TCF4: variants seen among roughly 807,000 people sequenced by gnomAD.
The protein encoded by TCF4 is SL3-3 enhancer factor 2.
A neutral mutation model predicts 82.1 loss-of-function variants in TCF4; 3 were observed. The ratio of observed to expected loss-of-function variants is 0.04; its 90% CI spans 0.02 to 0.09. The LOEUF (loss-of-function observed/expected upper bound fraction) is 0.09. TCF4 is among the 10% of genes least tolerant of loss of function. The pLI, the probability that TCF4 is intolerant of heterozygous loss-of-function variation, is 1.00. For synonymous variants in TCF4, 276 were observed against 309.6 expected, an observed-to-expected ratio of 0.89 and a Z score of 1.14; for missense variants, 518 against 852.7, an observed-to-expected ratio of 0.61 and a Z score of 4.89.
chr18:55,589,751 G>C, upstream of TCF4: 3 of 1,018,096 alleles, frequency 2.9e-6, no homozygotes, highest in Non-Finnish European at 3.5e-6. Flanking sequence ...GATAATAATA[G>C]GTTTCCCTGA....
At chr18:55,544,046 G>A (rs548084751) in intron 3 of TCF4, among the ~76,000 whole-genome samples, 1 of 152,142 alleles carries the variant, frequency 6.6e-6, no homozygotes, top group South Asian at 2.1e-4. Context: ...TATATATTCA[G>A]CATCCCAAGT....
intron 11 of TCF4, chr18:55,268,623 T>C (rs2059697338): frequency 4.6e-5 from 7 of 152,092 alleles, no homozygotes; most frequent in Non-Finnish European, 1.5e-5. Flanking sequence ...TATTATTGAA[T>C]ACGCAGGGAG....
intron 6 of TCF4, among the ~76,000 whole-genome samples, chr18:55,368,569 C>T (rs1048301369): frequency 6.6e-6 from 1 of 152,060 alleles, no homozygotes; most frequent in African/African-American, 2.4e-5. Context: ...TTGTGTTGGG[C>T]CGCATGTGTC....
chr18:55,373,072 G>C (rs1190532299), intron 6 of TCF4, among the ~76,000 whole-genome samples: 1 of 151,946 alleles, frequency 6.6e-6, no homozygotes, highest in Non-Finnish European at 1.5e-5. Context: ...ATGTTTATTT[G>C]GATATTATAT....
At position 55,618,589 on chromosome 18, in the gene TCF4, T is replaced by G. The variant is rs55848513; in HGVS notation, c.286+12709A>C. On this transcript the variant is annotated intron_variant, in intron 2 of 20. Transcript: ENST00000398339. ...ATTTTTCTTTTCTCTTTTTTTTTTGTTTGTTTTTTTGAGACAGGTTCTCCC... is the reference window on the plus strand; with the variant it reads ...ATTTTTCTTTTCTCTTTTTTTTTTGGTTGTTTTTTTGAGACAGGTTCTCCC... Among the ~76,000 whole-genome samples, 75 of 151,982 alleles carry G rather than the reference T, an allele frequency of 4.9e-4. 1 individual carries two copies. Among genetic ancestry groups the G allele is most frequent in the African/African-American group, 1.7e-3 (71 of 41,466 alleles).
At chr18:55,354,218 AT>A (rs1443330876) in intron 6 of TCF4, among the ~76,000 whole-genome samples, 1 of 152,196 alleles carries the variant, frequency 6.6e-6, no homozygotes, top group Non-Finnish European at 1.5e-5. Context: ...CCAGGTTGGA[AT>A]GTTTTGGGGT....
At chr18:55,452,346 G>A (rs1044124924) in intron 5 of TCF4, among the ~76,000 whole-genome samples, 1 of 152,160 alleles carries the variant, frequency 6.6e-6, no homozygotes, top group Admixed American at 6.5e-5. Flanking sequence ...GAAAATAGAG[G>A]GTTTTCTCCC....
At chr18:55,632,330 G>A (rs995138727) in intron 1 of TCF4, among the ~76,000 whole-genome samples, 2 of 152,138 alleles carry the variant, frequency 1.3e-5, no homozygotes, top group Admixed American at 1.3e-4. Context: ...GAACCACCGC[G>A]CCCGGCCAAC....
At chr18:55,378,696 T>C (rs1005930645) in intron 6 of TCF4, among the ~76,000 whole-genome samples, 1 of 152,208 alleles carries the variant, frequency 6.6e-6, no homozygotes, top group Non-Finnish European at 1.5e-5. Flanking sequence ...TTATGGATTA[T>C]CTAACATAAA....
rs537584628 is a variant in TCF4 at position 55,229,259 on chromosome 18, C to G, written c.1650-183G>C. 14 of 672,730 alleles carry G rather than the reference C, an allele frequency of 2.1e-5. 1 individual carries two copies. In the East Asian group the frequency reaches 3.8e-4, roughly 18 times the overall value. 41.7% of individuals were successfully genotyped at this position (672,730 alleles called of 1,614,324 possible). A position where few individuals can be genotyped will look rare whatever the true frequency, so the allele number is the denominator to read the frequency against. ...GATGGCTTTGACAGTTCACAATACA[C>G]AAGATATTTGGTTTTCTCGCAGACA... On this transcript the variant is annotated intron_variant, in intron 17 of 19. Transcript: ENST00000354452.
At chr18:55,333,247 G>C (rs1160428334) in intron 8 of TCF4, among the ~76,000 whole-genome samples, 1 of 151,994 alleles carries the variant, frequency 6.6e-6, no homozygotes, top group Non-Finnish European at 1.5e-5. Flanking sequence ...TCAGATACTT[G>C]TAAGGAAATT....
At chr18:55,403,607 C>T (rs776615826) in intron 5 of TCF4, 89 bp from the exon 6 acceptor site, 86 of 1,612,370 alleles carry the variant, frequency 5.3e-5, no homozygotes, top group Middle Eastern at 1.6e-4. Flanking sequence ...TGCTCTTCCC[C>T]GATGTTTACA....
In TCF4 at chr18:55,633,490, C is replaced by A. The variant is rs1050459715; in HGVS notation, c.196-2102G>T. 6.6e-6 allele frequency among the ~76,000 whole-genome samples: 1 copy of A among 152,164 alleles called. No homozygotes were observed. The highest frequency in any genetic ancestry group is 1.5e-5 in the Non-Finnish European group (1 of 68,042). Reference sequence around the variant, plus strand: ...CACCTCTGCCATGTCCTATTTGTTGCAAGCAAGTCACGAATTCCAGCCTAT... The same window carrying A: ...CACCTCTGCCATGTCCTATTTGTTGAAAGCAAGTCACGAATTCCAGCCTAT... On this transcript the variant is annotated intron_variant, in intron 1 of 20. Transcript: ENST00000398339. The surrounding 1 kb of genome is among the most constrained non-coding windows in gnomAD (Gnocchi z 4.0).
At chr18:55,380,744 A>G (rs913798356) in intron 6 of TCF4, among the ~76,000 whole-genome samples, 3 of 152,228 alleles carry the variant, frequency 2.0e-5, no homozygotes, top group African/African-American at 4.8e-5. Context: ...ACTGTGGTCA[A>G]TCTCAAGCTA....
chr18:55,501,703 G>C (rs1345450448), intron 3 of TCF4, among the ~76,000 whole-genome samples: 1 of 151,346 alleles, frequency 6.6e-6, no homozygotes. Flanking sequence ...ATCATCTTTG[G>C]GAGAAAAAAA....
At chr18:55,449,164 T>A (rs1297442157) in intron 5 of TCF4, among the ~76,000 whole-genome samples, 2 of 152,130 alleles carry the variant, frequency 1.3e-5, no homozygotes, top group South Asian at 4.1e-4. Context: ...TTGTTCAAAA[T>A]CACACAAAGA....
At chr18:55,526,351 A>G (rs779587177) in intron 3 of TCF4, among the ~76,000 whole-genome samples, 1 of 152,348 alleles carries the variant, frequency 6.6e-6, no homozygotes, top group Non-Finnish European at 1.5e-5. Flanking sequence ...ATGGATATGT[A>G]TAGCCTTATC....
chr18:55,309,376 C>A (rs1166376629), intron 8 of TCF4, among the ~76,000 whole-genome samples: 1 of 152,138 alleles, frequency 6.6e-6, no homozygotes, highest in Middle Eastern at 3.4e-3. Context: ...CCCGCTTCAG[C>A]TTCCCAAAGT....
intron 6 of TCF4, among the ~76,000 whole-genome samples, chr18:55,378,491 T>C (rs1294179691): frequency 6.6e-6 from 1 of 152,164 alleles, no homozygotes; most frequent in Non-Finnish European, 1.5e-5. Flanking sequence ...ACAAACCCTA[T>C]GAAGAAGGTG....
Sources: allele counts gnomAD v4.1 joint callset (sites outside exome capture counted in the v4.1 genomes callset), GRCh38; gene constraint gnomAD v4.1.1; non-coding constraint Gnocchi (gnomAD v3.1); transcripts MANE v1.5; gene names NCBI Gene and HGNC (gene_info 2026-07-23, HGNC 2026-07-21).